DCC: variants seen among roughly 807,000 people sequenced by gnomAD.
DCC encodes DCC netrin 1 receptor.
In DCC, 58 loss-of-function variants were observed where a neutral mutation model predicts 172.5. That is an observed-to-expected ratio of 0.34 (90% CI 0.27 to 0.42). The LOEUF is 0.42. DCC is among the 10% of genes least tolerant of loss of function. The pLI, the probability that DCC is intolerant of heterozygous loss-of-function variation, is 1.00. For missense variants in DCC, 1,740 were observed against 1,791.0 expected, an observed-to-expected ratio of 0.97 and a Z score of 0.51; for synonymous variants, 709 against 644.5, an observed-to-expected ratio of 1.10 and a Z score of -1.52.
intron 1 of DCC, among the ~76,000 whole-genome samples, chr18:52,586,338 A>G (rs2033672872): frequency 6.6e-6 from 1 of 152,158 alleles, no homozygotes; most frequent in Admixed American, 6.6e-5. Context: ...CAATAGGCTT[A>G]AATTTCATAT....
At chr18:53,527,090 CGTGTGTGT>C (rs200516080) in intron 28 of DCC, 34,708 of 204,328 alleles carry the variant, frequency 0.17, 3,143 homozygotes, top group East Asian at 0.33. Context: ...CACATGGATA[CGTGTGTGT>C]GTGTGTGTGT....
At chr18:52,516,989 C>G (rs1187725231) in intron 1 of DCC, among the ~76,000 whole-genome samples, 1 of 152,112 alleles carries the variant, frequency 6.6e-6, no homozygotes, top group Non-Finnish European at 1.5e-5. Flanking sequence ...GTCTGTGTAA[C>G]CAGGCACACG....
chr18:53,203,756 A>C (rs1281882337), intron 9 of DCC, among the ~76,000 whole-genome samples: 1 of 152,194 alleles, frequency 6.6e-6, no homozygotes, highest in East Asian at 1.9e-4. Flanking sequence ...GTCCAAAGCT[A>C]GGTGTTATCC....
At chr18:53,380,631 C>A (rs1907650561) in intron 15 of DCC, among the ~76,000 whole-genome samples, 1 of 152,076 alleles carries the variant, frequency 6.6e-6, no homozygotes, top group African/African-American at 2.4e-5. Flanking sequence ...AAAGAAAGCT[C>A]CTGGAAAAGG....
intron 26 of DCC, among the ~76,000 whole-genome samples, chr18:53,493,225 C>T (rs987636488): frequency 2.0e-5 from 3 of 152,178 alleles, no homozygotes; most frequent in Non-Finnish European, 4.4e-5. Flanking sequence ...AGATTTAGGG[C>T]TGAGATGATG....
At chr18:52,651,369 G>T (rs2035127775) in intron 1 of DCC, among the ~76,000 whole-genome samples, 1 of 151,988 alleles carries the variant, frequency 6.6e-6, no homozygotes, top group South Asian at 2.1e-4. Context: ...TTTTTGTAGA[G>T]ATAGGGTCTC....
intron 5 of DCC, among the ~76,000 whole-genome samples, chr18:52,984,940 G>T (rs1371150733): frequency 2.0e-5 from 3 of 151,806 alleles, no homozygotes; most frequent in East Asian, 3.9e-4. Context: ...ACATTTTATT[G>T]TCTTTAAAAA....
chr18:53,258,894 T>A (rs1315703192), intron 12 of DCC, among the ~76,000 whole-genome samples: 1 of 152,216 alleles, frequency 6.6e-6, no homozygotes, highest in Non-Finnish European at 1.5e-5. Context: ...TGGGTGCTCC[T>A]GTATTGGGTG....
At chr18:53,003,374 G>A (rs1399498616) in intron 5 of DCC, among the ~76,000 whole-genome samples, 1 of 152,184 alleles carries the variant, frequency 6.6e-6, no homozygotes, top group African/African-American at 2.4e-5. Flanking sequence ...ACATGGCCCT[G>A]GGGTCAGTGG....
intron 24 of DCC, among the ~76,000 whole-genome samples, chr18:53,465,336 A>T (rs1309888659): frequency 2.0e-5 from 3 of 151,722 alleles, no homozygotes; most frequent in Non-Finnish European, 4.4e-5. Flanking sequence ...TTCTTGAAGT[A>T]TATTTTTGCT....
At chr18:52,806,615 G>A (rs981913216) in intron 2 of DCC, among the ~76,000 whole-genome samples, 1 of 152,166 alleles carries the variant, frequency 6.6e-6, no homozygotes, top group Non-Finnish European at 1.5e-5. Flanking sequence ...AAGTGGTTGG[G>A]CATTAAAAGA....
chr18:53,469,076 C>T (rs1387672507), intron 25 of DCC, among the ~76,000 whole-genome samples: 2 of 152,160 alleles, frequency 1.3e-5, no homozygotes, highest in Non-Finnish European at 2.9e-5. Context: ...GCCATCAATT[C>T]TTCAATCCCA....
intron 15 of DCC, among the ~76,000 whole-genome samples, chr18:53,354,783 T>C (rs1472275014): frequency 7.1e-4 from 66 of 92,986 alleles, no homozygotes; most frequent in African/African-American, 2.9e-3. Context: ...TTTGTCAATT[T>C]TGGCTTTTGT....
intron 2 of DCC, among the ~76,000 whole-genome samples, chr18:52,775,091 T>A: frequency 6.6e-6 from 1 of 152,148 alleles, no homozygotes; most frequent in Admixed American, 6.5e-5. Context: ...AAGGCAGACC[T>A]GACAGTTTCC....
rs78329366 is a variant in DCC, at chr18:52,479,064, T to A, written c.91+138186T>A. On this transcript the variant is annotated intron_variant, in intron 1 of 28. Coordinates refer to ENST00000442544, the MANE Select transcript of DCC (RefSeq NM_005215.4). Reference sequence around the variant, plus strand: ...CTGAGAGGTATTATCTTTGGACAAGTTAGTTACATTTTTTAGAATGGTGGG... The same window carrying A: ...CTGAGAGGTATTATCTTTGGACAAGATAGTTACATTTTTTAGAATGGTGGG... Among the ~76,000 whole-genome samples the A allele has an allele frequency of 8.8e-3, 1,333 of 152,312 alleles. 14 individuals are homozygous for A. Among genetic ancestry groups the A allele is most frequent in the Admixed American group, 0.018 (278 of 15,290 alleles).
chr18:52,779,106 C>G (rs1819249704), intron 2 of DCC, among the ~76,000 whole-genome samples: 1 of 152,058 alleles, frequency 6.6e-6, no homozygotes, highest in African/African-American at 2.4e-5. Context: ...TATCTTTCAC[C>G]TTGTTCTTTT....
intron 11 of DCC, among the ~76,000 whole-genome samples, chr18:53,208,385 C>A (rs1008339561): frequency 6.6e-5 from 10 of 151,628 alleles, no homozygotes; most frequent in Non-Finnish European, 1.5e-5. Context: ...AGAGCTAAAA[C>A]TTTGTGTATT....
intron 5 of DCC, among the ~76,000 whole-genome samples, chr18:52,968,554 C>T (rs1225323986): frequency 6.6e-6 from 1 of 152,056 alleles, no homozygotes; most frequent in African/African-American, 2.4e-5. Flanking sequence ...CTACATTGCC[C>T]TCTTCATATC....
chr18:53,013,610 A>C (rs1483509341), intron 5 of DCC, among the ~76,000 whole-genome samples: 1 of 151,742 alleles, frequency 6.6e-6, no homozygotes, highest in Non-Finnish European at 1.5e-5. Context: ...TAAATCCTAG[A>C]TGATGGGTTG....
Sources: gnomAD v4.1 joint callset for allele counts (sites outside exome capture counted in the v4.1 genomes callset) on GRCh38, gnomAD v4.1.1 for gene constraint, MANE v1.5 for transcripts, NCBI Gene and HGNC (gene_info 2026-07-23, HGNC 2026-07-21) for gene names.